Variants in PLCB1 observed in about 807,000 individuals in gnomAD.
PLCB1 encodes the protein phospholipase C beta 1.
Under a neutral mutation model 161.8 loss-of-function variants are expected in PLCB1, and 46 were observed. That is an observed-to-expected ratio of 0.28 (90% CI 0.22 to 0.36). PLCB1 has a LOEUF of 0.36. PLCB1 is among the 10% of genes least tolerant of loss of function. The pLI, the probability that PLCB1 is intolerant of heterozygous loss-of-function variation, is 1.00. For synonymous variants in PLCB1, 517 were observed against 503.7 expected (o/e 1.03, Z -0.35); for missense variants, 1,016 against 1,472.5 (o/e 0.69, Z 5.07).
chr20:8,341,455 T>G (rs1985806083), intron 2 of PLCB1, among the ~76,000 whole-genome samples: 1 of 152,160 alleles, frequency 6.6e-6, no homozygotes, highest in African/African-American at 2.4e-5. Context: ...CTGATGGGCC[T>G]ACTTCTTTTT....
chr20:8,386,804 C>A (rs1288081989), intron 3 of PLCB1, among the ~76,000 whole-genome samples: 1 of 152,236 alleles, frequency 6.6e-6, no homozygotes, highest in African/African-American at 2.4e-5. Flanking sequence ...TCAGCTAGAT[C>A]TTCTGGGTAA....
At chr20:8,547,538 A>G (rs1985598066) in intron 3 of PLCB1, among the ~76,000 whole-genome samples, 1 of 146,674 alleles carries the variant, frequency 6.8e-6, no homozygotes, top group African/African-American at 2.5e-5. Flanking sequence ...CCTCTTCCTC[A>G]TTGCCCATAT....
chr20:8,767,616 C>T (rs1982397838), intron 26 of PLCB1, among the ~76,000 whole-genome samples: 2 of 152,062 alleles, frequency 1.3e-5, no homozygotes, highest in Admixed American at 1.3e-4. Context: ...TTCAGAGTGT[C>T]ACCCGCTCTC....
At chr20:8,611,746 A>C (rs2123172836) in intron 3 of PLCB1, among the ~76,000 whole-genome samples, 1 of 152,254 alleles carries the variant, frequency 6.6e-6, no homozygotes, top group Middle Eastern at 3.4e-3. Flanking sequence ...TGGTAGTTTG[A>C]GAACATTCCC....
At chr20:8,391,109 A>G (rs1600368587) in intron 3 of PLCB1, among the ~76,000 whole-genome samples, 3 of 151,524 alleles carry the variant, frequency 2.0e-5, no homozygotes. Context: ...CCTATTTACC[A>G]TAGAATTCCA....
intron 3 of PLCB1, among the ~76,000 whole-genome samples, chr20:8,588,613 T>C (rs975350336): frequency 3.4e-4 from 51 of 152,122 alleles, no homozygotes; most frequent in African/African-American, 1.1e-3. Context: ...CTGAGAAGCA[T>C]GTGCACAGAA....
intron 31 of PLCB1, chr20:8,792,581 A>G (rs554719564): frequency 2.1e-6 from 1 of 471,216 alleles, no homozygotes; most frequent in Admixed American, 2.3e-5. Context: ...TTTTTATTGT[A>G]AATAGGTACC....
At chr20:8,147,442 TG>T (rs1480337188) in intron 1 of PLCB1, among the ~76,000 whole-genome samples, 4 of 152,220 alleles carry the variant, frequency 2.6e-5, no homozygotes, top group Admixed American at 6.5e-5. Flanking sequence ...CAATGAAGGA[TG>T]GTCATATATT....
intron 3 of PLCB1, among the ~76,000 whole-genome samples, chr20:8,522,986 T>TATCAAATAAAA (rs1984411707): frequency 6.6e-6 from 1 of 152,170 alleles, no homozygotes; most frequent in Non-Finnish European, 1.5e-5. Flanking sequence ...TGTAATGTGC[T>TATCAAATAAAA]GGTTAAGCTA....
At position 8,147,140 on chromosome 20, in the gene PLCB1, C is replaced by T. The variant is rs1291650807; in HGVS notation, c.100-3154C>T. Among the ~76,000 whole-genome samples the T allele has an allele frequency of 4.7e-4, 72 of 152,192 alleles. 1 individual carries two copies. Among genetic ancestry groups the T allele is most frequent in the Non-Finnish European group, 4.4e-5 (3 of 68,016 alleles). On this transcript the variant is annotated intron_variant, in intron 1 of 31. Transcript: ENST00000338037. ...GGTTTTGTAAGTGTGGCCCCTGGACCAACAGCATCAGCATCACCATGAGCT... is the reference window on the plus strand; with the variant it reads ...GGTTTTGTAAGTGTGGCCCCTGGACTAACAGCATCAGCATCACCATGAGCT...
At chr20:8,189,372 G>A (rs2051941572) in intron 2 of PLCB1, among the ~76,000 whole-genome samples, 1 of 150,252 alleles carries the variant, frequency 6.7e-6, no homozygotes, top group Non-Finnish European at 1.5e-5. Context: ...TACCTTAAAT[G>A]TGCACAATAA....
At chr20:8,208,362 G>A (rs1978638578) in intron 2 of PLCB1, among the ~76,000 whole-genome samples, 1 of 152,086 alleles carries the variant, frequency 6.6e-6, no homozygotes, top group Admixed American at 6.6e-5. Context: ...TTTAAAAGGA[G>A]ATAATGGACA....
intron 26 of PLCB1, among the ~76,000 whole-genome samples, chr20:8,772,794 A>T (rs1402750725): frequency 1.3e-5 from 2 of 152,034 alleles, no homozygotes; most frequent in Admixed American, 1.3e-4. Flanking sequence ...TTAGCCGGGC[A>T]TGGTGGTGCA....
At chr20:8,154,168 C>T (rs181994153) in intron 2 of PLCB1, among the ~76,000 whole-genome samples, 3 of 152,054 alleles carry the variant, frequency 2.0e-5, no homozygotes, top group Non-Finnish European at 2.9e-5. Context: ...CTACAATTTC[C>T]TTTTTACCAT....
chr20:8,706,616 G>T (rs1211991802), intron 11 of PLCB1, among the ~76,000 whole-genome samples: 1 of 152,124 alleles, frequency 6.6e-6, no homozygotes, highest in Admixed American at 6.6e-5. Context: ...CCACATCCTT[G>T]ATGACCTCTA....
chr20:8,311,403 A>C (rs1004308406), intron 2 of PLCB1, among the ~76,000 whole-genome samples: 17 of 152,226 alleles, frequency 1.1e-4, no homozygotes, highest in Admixed American at 8.5e-4. Flanking sequence ...CCATGTGGGA[A>C]GATATCTGCT....
intron 31 of PLCB1, among the ~76,000 whole-genome samples, chr20:8,865,325 A>G: frequency 6.6e-6 from 1 of 152,214 alleles, no homozygotes; most frequent in East Asian, 1.9e-4. Context: ...CTTCAGAATA[A>G]CCAAAAAGGC....
intron 2 of PLCB1, among the ~76,000 whole-genome samples, chr20:8,231,503 C>T (rs1271844940): frequency 2.6e-5 from 4 of 152,168 alleles, no homozygotes; most frequent in African/African-American, 9.7e-5. Flanking sequence ...CACTTCAAAC[C>T]ACAGCATGGT....
intron 2 of PLCB1, among the ~76,000 whole-genome samples, chr20:8,326,683 T>C (rs1358704146): frequency 6.6e-6 from 1 of 152,192 alleles, no homozygotes; most frequent in Non-Finnish European, 1.5e-5. Flanking sequence ...TGTCTTTTAC[T>C]TTTTTAAAAG....
Sources: gnomAD v4.1 joint callset for allele counts (sites outside exome capture counted in the v4.1 genomes callset) on GRCh38, gnomAD v4.1.1 for gene constraint, MANE v1.5 for transcripts, NCBI Gene and HGNC (gene_info 2026-07-23, HGNC 2026-07-21) for gene names.